Variants in LIN54 observed in about 807,000 individuals in gnomAD.
LIN54 encodes the protein protein lin-54 homolog.
In LIN54, 9 loss-of-function variants were observed where a neutral mutation model predicts 78.7. The observed-to-expected ratio is 0.11, with a 90% CI of 0.07 to 0.20. The LOEUF is 0.20. LIN54 is among the 10% of genes least tolerant of loss of function. The probability of loss-of-function intolerance (pLI) is 1.00; values close to 1 mark genes in which losing one functional copy is unlikely to be tolerated. For missense variants in LIN54, 573 were observed against 889.9 expected (o/e 0.64, Z 4.53); for synonymous variants, 269 against 318.4 (o/e 0.84, Z 1.65).
In LIN54 at chr4:82,942,849, C is replaced by T. The variant is rs998370482; in HGVS notation, c.1169-2887G>A. On this transcript the variant is annotated intron_variant, in intron 5 of 12. Transcript: ENST00000340417. ...CCTCATACACATGCACAAATGTGTG[C>T]GTGTGCGCGCGCACACACACACACA... Among the ~76,000 whole-genome samples, 10 of 100,988 alleles carry T rather than the reference C, an allele frequency of 9.9e-5. No individual in the cohort carries two copies. In the South Asian group the frequency reaches 3.3e-3, roughly 34 times the overall value. 66.3% of individuals were successfully genotyped at this position (100,988 alleles called of 152,430 possible). A position where few individuals can be genotyped will look rare whatever the true frequency, so the allele number is the denominator to read the frequency against.
Position 82,996,883 on chromosome 4 carries a change from A to G in LIN54, c.-32-12007T>C, listed in dbSNP as rs117647891. 1.5e-3 allele frequency among the ~76,000 whole-genome samples: 229 copies of G among 149,666 alleles called. 4 individuals carry two copies. The East Asian group carries it at 0.03, about 19-fold the overall frequency. On this transcript the variant is annotated intron_variant, in intron 1 of 12. Transcript: ENST00000340417. ...GTACATTTGTCTTAATGTATTAGGG[A>G]AAAAAAAAAGTATCTAAAATAGGAC... is the stretch of plus-strand genomic sequence containing the variant.
chr4:83,000,573 A>G (rs1341864642), intron 1 of LIN54, among the ~76,000 whole-genome samples: 1 of 152,140 alleles, frequency 6.6e-6, no homozygotes, highest in Non-Finnish European at 1.5e-5. Flanking sequence ...GCTCCCAGCC[A>G]CTCAGAACCC....
Position 82,930,926 on chromosome 4 carries a change from T to G in LIN54, c.2048+17A>C. ...GTATTTGGGAAGTACTATAAAAAGA[T>G]TAAAATACTGACTTACTTTCCGCCT... On this transcript the variant is annotated intron_variant, in intron 12 of 12. Coordinates refer to ENST00000340417, the MANE Select transcript of LIN54 (RefSeq NM_194282.4). 1 of 1,610,102 alleles carries G rather than the reference T, an allele frequency of 6.2e-7. No homozygotes were observed. The highest frequency in any genetic ancestry group is 8.5e-7 in the Non-Finnish European group (1 of 1,176,270).
At chr4:82,964,934 G>A (rs984394334) in intron 4 of LIN54, among the ~76,000 whole-genome samples, 3 of 152,112 alleles carry the variant, frequency 2.0e-5, no homozygotes, top group Non-Finnish European at 2.9e-5. Context: ...GGAGGCAGAG[G>A]TTGCAGTGAG....
intron 3 of LIN54, among the ~76,000 whole-genome samples, chr4:82,976,449 C>T (rs936501469): frequency 2.6e-5 from 4 of 151,980 alleles, no homozygotes; most frequent in African/African-American, 9.7e-5. Context: ...GTGGCTCATG[C>T]CTGTAGTCCC....
intron 4 of LIN54, among the ~76,000 whole-genome samples, chr4:82,953,149 C>G (rs555081572): frequency 1.2e-4 from 19 of 152,202 alleles, no homozygotes; most frequent in Non-Finnish European, 2.2e-4. Flanking sequence ...TCACTACGCC[C>G]AGCTAATTTT....
intron 1 of LIN54, among the ~76,000 whole-genome samples, chr4:83,006,604 G>GGA (rs1553960294): frequency 6.7e-5 from 10 of 150,320 alleles, no homozygotes; most frequent in African/African-American, 2.4e-4. Context: ...AATAAAAGCT[G>GGA]AAAAAAAAAG....
intron 7 of LIN54, among the ~76,000 whole-genome samples, chr4:82,939,008 C>T (rs190453108): frequency 7.1e-4 from 108 of 152,308 alleles, no homozygotes; most frequent in African/African-American, 2.4e-3. Context: ...AGCCACATAA[C>T]ATGTTCCAAA....
chr4:82,974,005 T>C (rs1163997199), intron 3 of LIN54, among the ~76,000 whole-genome samples: 5 of 151,808 alleles, frequency 3.3e-5, no homozygotes, highest in African/African-American at 2.4e-5. Flanking sequence ...GGTCAGGAGA[T>C]TGGGACCATC....
chr4:82,944,093 A>G (rs955224354), intron 5 of LIN54, among the ~76,000 whole-genome samples: 5 of 149,592 alleles, frequency 3.3e-5, no homozygotes, highest in Non-Finnish European at 4.4e-5. Flanking sequence ...CTGGTCTCAA[A>G]CTCCCAACCT....
chr4:82,969,663 G>C (rs1260087131), intron 4 of LIN54, among the ~76,000 whole-genome samples: 3 of 152,176 alleles, frequency 2.0e-5, no homozygotes, highest in African/African-American at 7.2e-5. Flanking sequence ...TGTTTCCAGA[G>C]TCACAAGCGT....
At chr4:82,965,172 T>C (rs562386965) in intron 4 of LIN54, among the ~76,000 whole-genome samples, 72 of 152,264 alleles carry the variant, frequency 4.7e-4, no homozygotes, top group African/African-American at 1.7e-3. Flanking sequence ...GATAACAGCA[T>C]TGCTAAAATC....
At position 82,979,023 on chromosome 4, in the gene LIN54, A is replaced by T. The variant is rs2126081255; in HGVS notation, c.685-17T>A. ...CTTAGCAATCTGAAACATATAAATAACTATGAAGACCATCTGTTTCTATAA... is the reference window on the plus strand; with the variant it reads ...CTTAGCAATCTGAAACATATAAATATCTATGAAGACCATCTGTTTCTATAA... On this transcript the variant is annotated splice_polypyrimidine_tract_variant and intron_variant, in intron 2 of 12. Transcript: ENST00000340417. 1 of 1,532,466 alleles carries T rather than the reference A, an allele frequency of 6.5e-7. No individual in the cohort carries two copies. Among genetic ancestry groups the T allele is most frequent in the African/African-American group, 1.4e-5 (1 of 73,526 alleles). The allele number at this position is 1,532,466 out of a possible 1,614,324, so 94.9% of individuals were successfully genotyped here. A position where few individuals can be genotyped will look rare whatever the true frequency, so the allele number is the denominator to read the frequency against.
upstream of LIN54, chr4:83,012,123 G>A (rs183450777): frequency 2.2e-5 from 15 of 682,788 alleles, no homozygotes; most frequent in East Asian, 1.5e-3. Flanking sequence ...ACTACCAGAT[G>A]CTGAGAGTAT....
intron 1 of LIN54, among the ~76,000 whole-genome samples, chr4:82,998,764 C>A (rs1326931970): frequency 6.6e-6 from 1 of 151,092 alleles, no homozygotes; most frequent in African/African-American, 2.4e-5. Context: ...TTTGAAAAAA[C>A]TCACTGATGA....
intron 1 of LIN54, among the ~76,000 whole-genome samples, chr4:82,989,105 G>A (rs978914185): frequency 5.3e-5 from 8 of 151,710 alleles, no homozygotes; most frequent in East Asian, 1.9e-4. Context: ...GGAAAATGGC[G>A]TGAACCCGGG....
intron 4 of LIN54, among the ~76,000 whole-genome samples, chr4:82,955,090 G>A (rs538478980): frequency 6.6e-6 from 1 of 152,294 alleles, no homozygotes; most frequent in Admixed American, 6.5e-5. Context: ...AGAATGAACA[G>A]GCCGGGTACG....
intron 1 of LIN54, among the ~76,000 whole-genome samples, chr4:82,994,823 C>T (rs1241698509): frequency 2.0e-5 from 3 of 151,956 alleles, no homozygotes; most frequent in African/African-American, 7.3e-5. Flanking sequence ...TTAAAATCCC[C>T]AAATATGGTG....
Position 82,925,581 on chromosome 4 carries a change from G to A in LIN54, c.*2521C>T, listed in dbSNP as rs978913811. On this transcript the variant is annotated 3_prime_UTR_variant, in exon 13 of 13. Transcript: ENST00000340417. ...AGCAATTTATGTTAGTAATAACTGA[G>A]CAAAATGATAGAATTTTTTAGTTGT... 6.6e-6 allele frequency: 1 copy of A among 152,612 alleles called. No individual in the cohort carries two copies. The highest frequency in any genetic ancestry group is 1.5e-5 in the Non-Finnish European group (1 of 68,040). 9.5% of individuals were successfully genotyped at this position (152,612 alleles called of 1,614,324 possible). A position where few individuals can be genotyped will look rare whatever the true frequency, so the allele number is the denominator to read the frequency against.
Sources: allele counts gnomAD v4.1 joint callset (sites outside exome capture counted in the v4.1 genomes callset), GRCh38; gene constraint gnomAD v4.1.1; transcripts MANE v1.5; gene names NCBI Gene and HGNC (gene_info 2026-07-23, HGNC 2026-07-21).